VSX1: variants seen among roughly 807,000 people sequenced by gnomAD.
The protein encoded by VSX1 is homeodomain protein RINX.
VSX1 carries 23 observed loss-of-function variants against 23.6 expected under a neutral mutation model. The observed-to-expected ratio is 0.97, with a 90% CI of 0.70 to 1.38. The LOEUF (loss-of-function observed/expected upper bound fraction) is 1.38. Ranked by LOEUF, VSX1 falls within the 40% of genes most tolerant of loss-of-function variation. The pLI is 0.00. For missense variants in VSX1, 517 were observed against 495.4 expected, an observed-to-expected ratio of 1.04 and a Z score of -0.41; for synonymous variants, 247 against 215.1, an observed-to-expected ratio of 1.15 and a Z score of -1.30.
chr20:25,078,216 T>C (rs2089553279), intron 3 of VSX1, among the ~76,000 whole-genome samples: 1 of 152,244 alleles, frequency 6.6e-6, no homozygotes, highest in South Asian at 2.1e-4. Flanking sequence ...TCCTGCTTTT[T>C]CTCATTAATT....
chr20:25,082,020 G>C lies in VSX1; in HGVS notation c.77C>G (p.Ser26Trp). The change falls in exon 1 of 5, where the codon TCG becomes TGG. Residue 26 changes from serine (S) to tryptophan (W), a missense_variant. Transcript: ENST00000376709. ...ALVPGGSPRG[S>W]RPRGFAITDL... is the part of the protein sequence containing the mutation. ...CGTGATGGCGAAGCCCCGGGGGCGC[G>C]AGCCCCTAGGGGAACCGCCAGGCAC... 2.0e-6 allele frequency: 3 copies of C among 1,535,758 alleles called. No homozygotes were observed. The highest frequency in any genetic ancestry group is 2.4e-5 in the South Asian group (2 of 84,106).
At chr20:25,071,241 C>A (rs1177948732), downstream of VSX1, 1 of 452,756 alleles carries the variant, frequency 2.2e-6, no homozygotes, top group Non-Finnish European at 4.4e-6. Flanking sequence ...GTCAGCCATG[C>A]TAGCCGAAGG....
Position 25,081,795 on chromosome 20 carries a change from A to C in VSX1, c.302T>G (p.Leu101Arg), listed in dbSNP as rs1353514937. The C allele has an allele frequency of 6.6e-7, 1 of 1,505,668 alleles. No homozygotes were observed. The allele number at this position is 1,505,668 out of a possible 1,614,324, so 93.3% of individuals were successfully genotyped here. ...QPPAAARAPC[L>R]LLADVPFLPP... is the part of the protein sequence containing the mutation. ...CAGGAACGGCACGTCCGCTAGGAGCAGGCAGGGTGCTCGAGCGGCCGCCGG... is the reference window on the plus strand; with the variant it reads ...CAGGAACGGCACGTCCGCTAGGAGCCGGCAGGGTGCTCGAGCGGCCGCCGG... Residue 101 changes from leucine to arginine, a missense_variant, in exon 1 of 5, where the codon CTG (leucine) becomes CGG (arginine). Leu to Arg is a moderately radical substitution (Grantham distance 102). Coordinates refer to ENST00000376709, the MANE Select transcript of VSX1 (RefSeq NM_014588.6).
intron 4 of VSX1, among the ~76,000 whole-genome samples, chr20:25,077,069 G>A (rs796504650): frequency 6.6e-5 from 10 of 152,294 alleles, no homozygotes; most frequent in African/African-American, 2.4e-4. Context: ...CCCGTGCCCG[G>A]AGGTACTCAT....
downstream of VSX1, chr20:25,072,662 A>T: frequency 2.1e-6 from 1 of 471,172 alleles, no homozygotes. Context: ...GCAAAGAGAT[A>T]ATGAATTTGA....
chr20:25,077,815 C>T lies in VSX1; in HGVS notation c.678G>A (p.Trp226Ter). The T allele has an allele frequency of 6.4e-7, 1 of 1,551,614 alleles. No homozygotes were observed. The highest frequency in any genetic ancestry group is 8.7e-7 in the Non-Finnish European group (1 of 1,147,152). Residue 226 changes from tryptophan (W) to a stop codon, truncating the protein, a stop_gained, in exon 4 of 5, where the codon TGG becomes TGA. Transcript: ENST00000376709. LOFTEE classifies it high-confidence loss of function. ...RAKWRKREKR[W>*]GGSSVMAEYG... ...ACTCGGCCATCACGCTGCTGCCGCCCCAGCGCTTCTCCCGCTTGCGCCATT... is the reference window on the plus strand; with the variant it reads ...ACTCGGCCATCACGCTGCTGCCGCCTCAGCGCTTCTCCCGCTTGCGCCATT...
downstream of VSX1, chr20:25,071,452 C>T (rs1344586628): frequency 1.3e-5 from 6 of 452,582 alleles, no homozygotes; most frequent in Admixed American, 9.4e-5. Flanking sequence ...AGCCTGGAGA[C>T]AGAGTGAGAC....
intron 3 of VSX1, 86 bp downstream of exon 3, chr20:25,078,743 G>C (rs771119208): frequency 2.5e-6 from 4 of 1,614,168 alleles, no homozygotes; most frequent in Non-Finnish European, 3.4e-6. Flanking sequence ...TGGCTATAGA[G>C]AAGGGACTGC....
At chr20:25,079,039 C>T in intron 2 of VSX1, 87 bp from the exon 3 acceptor site, 1 of 1,535,446 alleles carries the variant, frequency 6.5e-7, no homozygotes, top group South Asian at 1.1e-5. Context: ...TGCCTGCTTC[C>T]TCTGCTGTCC....
intron 1 of VSX1, 89 bp downstream of exon 1, chr20:25,081,584 A>G: frequency 6.5e-7 from 1 of 1,544,468 alleles, no homozygotes; most frequent in Admixed American, 1.8e-5. Context: ...CGCTGGGGCC[A>G]GGGGTGCGGT....
chr20:25,076,056 A>G lies in VSX1; in HGVS notation c.*205T>C. 1 of 676,908 alleles carries G rather than the reference A, an allele frequency of 1.5e-6. No individual in the cohort carries two copies. Among genetic ancestry groups the G allele is most frequent in the Non-Finnish European group, 2.5e-6 (1 of 407,192 alleles). The allele number at this position is 676,908 out of a possible 1,614,324, so 41.9% of individuals were successfully genotyped here. On this transcript the variant is annotated 3_prime_UTR_variant, in exon 5 of 5. Transcript: ENST00000376709. ...AAGTTAACTGGTTAAAGTGCCATTA[A>G]GGAACCGTTTCCATTCTAGAATGAA...
intron 2 of VSX1, 87 bp downstream of exon 2, chr20:25,079,349 G>A (rs1026475660): frequency 1.4e-5 from 19 of 1,357,118 alleles, no homozygotes; most frequent in Admixed American, 4.6e-5. Context: ...CTATCATGCC[G>A]GGCCATAAAT....
downstream of VSX1, among the ~76,000 whole-genome samples, chr20:25,074,902 A>C (rs1417155266): frequency 1.3e-5 from 2 of 152,212 alleles, no homozygotes; most frequent in Non-Finnish European, 2.9e-5. Flanking sequence ...AGACAGAAGA[A>C]CTTCTAGAGT....
downstream of VSX1, among the ~76,000 whole-genome samples, chr20:25,072,919 TCTC>T (rs1395219238): frequency 6.6e-6 from 1 of 152,170 alleles, no homozygotes; most frequent in Non-Finnish European, 1.5e-5. Flanking sequence ...TTTTTTGAAA[TCTC>T]CTTTTGGATT....
In VSX1 at chr20:25,081,956, A is replaced by T; in HGVS notation, c.141T>A (p.Ala47=). ...LGLEAELPAP[A]GPGQGSGCEG... is the part of the protein sequence containing the mutation. ...CGCAGCCAGATCCCTGTCCTGGGCC[A>T]GCGGGCGCCGGCAGCTCGGCCTCCA... Residue 47 remains alanine, a synonymous_variant, in exon 1 of 5, where the codon GCT becomes GCA. Transcript: ENST00000376709. The T allele has an allele frequency of 6.5e-7, 1 of 1,532,612 alleles. No individual in the cohort carries two copies. Among genetic ancestry groups the T allele is most frequent in the Non-Finnish European group, 8.7e-7 (1 of 1,146,006 alleles). 94.9% of individuals were successfully genotyped at this position (1,532,612 alleles called of 1,614,324 possible).
chr20:25,081,744 G>A lies in VSX1; in HGVS notation c.353C>T (p.Ala118Val), dbSNP rs1033871402. The change falls in exon 1 of 5, where the codon GCC (alanine) becomes GTC (valine). Residue 118 changes from alanine to valine, a missense_variant. Transcript: ENST00000376709. ...FLPPRGPEPA[A>V]PLAPSRPPPA... Reference sequence around the variant, plus strand: ...CGGCGGACGGCTGGGAGCCAGCGGGGCAGCGGGCTCGGGGCCCCTGGGCGG... The same window carrying A: ...CGGCGGACGGCTGGGAGCCAGCGGGACAGCGGGCTCGGGGCCCCTGGGCGG... 1.1e-5 allele frequency: 16 copies of A among 1,500,524 alleles called. No individual in the cohort carries two copies. Among genetic ancestry groups the A allele is most frequent in the Non-Finnish European group, 1.4e-5 (16 of 1,132,854 alleles). 93.0% of individuals were successfully genotyped at this position (1,500,524 alleles called of 1,614,324 possible).
At chr20:25,079,362 T>G in intron 2 of VSX1, 74 bp downstream of exon 2, 1 of 1,449,962 alleles carries the variant, frequency 6.9e-7, no homozygotes, top group South Asian at 1.3e-5. Flanking sequence ...CCATAAATTC[T>G]CAGATGCAGG....
chr20:25,078,683 G>A (rs2089565218), intron 3 of VSX1, 146 bp downstream of exon 3: 11 of 1,606,248 alleles, frequency 6.8e-6, no homozygotes, highest in Non-Finnish European at 9.4e-6. Context: ...GCAAGCTCTT[G>A]TGGTGCCTTC....
intron 2 of VSX1, among the ~76,000 whole-genome samples, chr20:25,079,224 C>A (rs2089584862): frequency 1.3e-5 from 2 of 152,084 alleles, no homozygotes; most frequent in Non-Finnish European, 2.9e-5. Context: ...AAAATGCTCC[C>A]AAAAAAATGC....
Sources: allele counts gnomAD v4.1 joint callset (sites outside exome capture counted in the v4.1 genomes callset), GRCh38; gene constraint gnomAD v4.1.1; transcripts MANE v1.5; gene names NCBI Gene and HGNC (gene_info 2026-07-23, HGNC 2026-07-21).